Variants in ZFHX3 observed in about 807,000 individuals in gnomAD.
ZFHX3 encodes zinc finger homeobox 3, also known as zinc finger homeobox protein 3.
A neutral mutation model predicts 279.1 loss-of-function variants in ZFHX3; 42 were observed. The observed-to-expected ratio is 0.15, with a 90% confidence interval of 0.12 to 0.19. The LOEUF (loss-of-function observed/expected upper bound fraction) is 0.19. Among genes scored for constraint, ZFHX3 ranks in the 10% least tolerant of loss-of-function variants. The pLI is 1.00. For missense variants in ZFHX3, 4,981 were observed against 4,754.0 expected (o/e 1.05, Z -1.40); for synonymous variants, 2,293 against 1,957.8 (o/e 1.17, Z -4.52).
chr16:72,861,742 T>C (rs1442625760), intron 4 of ZFHX3, among the ~76,000 whole-genome samples: 2 of 152,168 alleles, frequency 1.3e-5, no homozygotes, highest in Non-Finnish European at 2.9e-5. Flanking sequence ...CCGCTGGGCA[T>C]GGTGGCTCAT....
At chr16:72,909,805 G>A (rs1220266673) in intron 3 of ZFHX3, among the ~76,000 whole-genome samples, 2 of 144,964 alleles carry the variant, frequency 1.4e-5, no homozygotes, top group African/African-American at 5.2e-5. Context: ...TTGACCCTGG[G>A]AAGTTGAGGC....
intron 2 of ZFHX3, among the ~76,000 whole-genome samples, chr16:73,640,265 C>T (rs2142155490): frequency 6.6e-6 from 1 of 152,274 alleles, no homozygotes; most frequent in South Asian, 2.1e-4. Context: ...AGAATTATCA[C>T]TTGGTGGTCT....
At chr16:73,781,006 C>A (rs1013799486) in intron 1 of ZFHX3, among the ~76,000 whole-genome samples, 2 of 152,196 alleles carry the variant, frequency 1.3e-5, no homozygotes, top group Non-Finnish European at 2.9e-5. Flanking sequence ...AAAGCTACAG[C>A]TTTTGCTTCT....
At chr16:73,743,373 T>C (rs557326362) in intron 1 of ZFHX3, among the ~76,000 whole-genome samples, 1 of 152,318 alleles carries the variant, frequency 6.6e-6, no homozygotes, top group African/African-American at 2.4e-5. Context: ...TCATCGCAAA[T>C]TACAATACAC....
chr16:73,552,800 G>A (rs1030950034), intron 2 of ZFHX3, among the ~76,000 whole-genome samples: 7 of 152,178 alleles, frequency 4.6e-5, no homozygotes, highest in African/African-American at 1.7e-4. Context: ...AAAAACCTTA[G>A]ATTTTCCTGC....
intron 1 of ZFHX3, among the ~76,000 whole-genome samples, chr16:73,811,802 G>A (rs964498296): frequency 3.9e-5 from 6 of 152,056 alleles, no homozygotes; most frequent in African/African-American, 1.4e-4. Context: ...TGTTCTCTCT[G>A]TTGTGATGCT....
rs561214304 is a variant in ZFHX3, at chr16:73,202,979, A to T, written c.-1104+54068T>A. Reference sequence around the variant, plus strand: ...TTTTTCTTTTTCGTTCCTATCTTCTACCCTCTTCTTGATCTTCCCAGCCTA... The same window carrying T: ...TTTTTCTTTTTCGTTCCTATCTTCTTCCCTCTTCTTGATCTTCCCAGCCTA... On this transcript the variant is annotated intron_variant, in intron 5 of 17. Transcript: ENST00000641206. Among the ~76,000 whole-genome samples, 6 of 121,976 alleles carry T rather than the reference A, an allele frequency of 4.9e-5. No homozygotes were observed. The South Asian group carries it at 1.5e-3, about 31-fold the overall frequency. 80.0% of individuals were successfully genotyped at this position (121,976 alleles called of 152,430 possible).
At chr16:73,794,470 C>T (rs773615213) in intron 1 of ZFHX3, 4 of 152,192 alleles carry the variant, frequency 2.6e-5, no homozygotes, top group Non-Finnish European at 4.4e-5. Context: ...TAATAAGAAC[C>T]ACCCTAGAGG....
chr16:73,324,281 G>C (rs1466455217), intron 3 of ZFHX3, among the ~76,000 whole-genome samples: 1 of 152,128 alleles, frequency 6.6e-6, no homozygotes, highest in Non-Finnish European at 1.5e-5. Flanking sequence ...GAAGAGGCTT[G>C]GCTCATGTTT....
chr16:72,797,862 T>A lies in ZFHX3; in HGVS notation c.4820A>T (p.Gln1607Leu), dbSNP rs757271105. 1 of 1,614,202 alleles carries A rather than the reference T, an allele frequency of 6.2e-7. No homozygotes were observed. Among genetic ancestry groups the A allele is most frequent in the East Asian group, 2.2e-5 (1 of 44,860 alleles). The change falls in exon 9 of 10, where the codon CAG becomes CTG. Residue 1607 changes from glutamine to leucine, a missense_variant. Gln to Leu is a moderately radical substitution (Grantham distance 113, BLOSUM62 -2). Transcript: ENST00000268489. ...CATATGGATCTCCAGAGTGGAACTC[T>A]GGCTGTAGGCCACATTACAAGTGTT... ...KCNTCNVAYSQSSTLEIHMRS... is the reference protein window; with the variant it reads ...KCNTCNVAYSLSSTLEIHMRS...
chr16:73,240,557 G>A (rs1005122426), intron 5 of ZFHX3, among the ~76,000 whole-genome samples: 9 of 152,116 alleles, frequency 5.9e-5, no homozygotes, highest in African/African-American at 1.9e-4. Flanking sequence ...CCAACTAAGA[G>A]CACAAAATGT....
rs2051860087 is a variant in ZFHX3 at position 73,581,493 on chromosome 16, T to C, written c.-1547+98687A>G. Among the ~76,000 whole-genome samples, 3 of 151,848 alleles carry C rather than the reference T, an allele frequency of 2.0e-5. No individual in the cohort carries two copies. The South Asian group carries it at 6.2e-4, about 31-fold the overall frequency. Reference sequence around the variant, plus strand: ...ATTGTTTTACACAAATGGATGCTTGTTACTTTCAGATAGGTCCTAAGAATC... The same window carrying C: ...ATTGTTTTACACAAATGGATGCTTGCTACTTTCAGATAGGTCCTAAGAATC... On this transcript the variant is annotated intron_variant, in intron 2 of 17. Transcript: ENST00000641206.
chr16:73,173,061 A>G (rs1008219845), intron 5 of ZFHX3, among the ~76,000 whole-genome samples: 9 of 90,436 alleles, frequency 1.0e-4, no homozygotes, highest in African/African-American at 3.6e-4. Flanking sequence ...GGAAGGGCTT[A>G]TGTGATAGTT....
At chr16:73,466,985 G>A (rs1437225874) in intron 2 of ZFHX3, among the ~76,000 whole-genome samples, 5 of 152,158 alleles carry the variant, frequency 3.3e-5, no homozygotes, top group East Asian at 3.9e-4. Flanking sequence ...AAGGTTGAGC[G>A]TGACAGACCT....
chr16:73,749,748 G>A (rs1469850650), intron 1 of ZFHX3, among the ~76,000 whole-genome samples: 1 of 152,188 alleles, frequency 6.6e-6, no homozygotes, highest in East Asian at 1.9e-4. Flanking sequence ...TTTTCATGCA[G>A]TGGATAAATG....
At chr16:73,320,748 C>T (rs2015559045) in intron 3 of ZFHX3, among the ~76,000 whole-genome samples, 1 of 152,096 alleles carries the variant, frequency 6.6e-6, no homozygotes, top group Non-Finnish European at 1.5e-5. Context: ...TGTCTGAGGC[C>T]CCGAAATCCC....
chr16:73,416,647 G>A (rs2017587416), intron 3 of ZFHX3, among the ~76,000 whole-genome samples: 3 of 152,280 alleles, frequency 2.0e-5, no homozygotes, highest in Admixed American at 6.5e-5. Context: ...GCCGAGGCGG[G>A]TGGACCACGA....
chr16:73,016,742 C>G (rs1964114791), intron 1 of ZFHX3, among the ~76,000 whole-genome samples: 1 of 152,044 alleles, frequency 6.6e-6, no homozygotes, highest in African/African-American at 2.4e-5. Flanking sequence ...TCTCTGTAAC[C>G]TCTGGGTGAA....
chr16:73,710,027 CA>C (rs35366612), intron 1 of ZFHX3, among the ~76,000 whole-genome samples: 125,401 of 151,894 alleles, frequency 0.83, 53,201 homozygotes, highest in Non-Finnish European at 0.92. Context: ...ACTAAAAATA[CA>C]AAAAAATTGG....
Sources: gnomAD v4.1 joint callset for allele counts (sites outside exome capture counted in the v4.1 genomes callset) on GRCh38, gnomAD v4.1.1 for gene constraint, MANE v1.5 for transcripts, NCBI Gene and HGNC (gene_info 2026-07-23, HGNC 2026-07-21) for gene names.